The following UBE2W variants were observed in gnomAD, a reference collection of about 807,000 sequenced individuals.
UBE2W encodes the protein ubiquitin conjugating enzyme E2 W.
In UBE2W, 18 loss-of-function variants were observed where a neutral mutation model predicts 27.2. The observed-to-expected ratio is 0.66, with a 90% CI of 0.46 to 0.98. The LOEUF (loss-of-function observed/expected upper bound fraction) is 0.98. Among genes scored for constraint, UBE2W ranks in the 50% least tolerant of loss-of-function variants. The pLI is 0.00. For missense variants in UBE2W, 90 were observed against 180.2 expected, an observed-to-expected ratio of 0.50 and a Z score of 2.87; for synonymous variants, 53 against 57.2, an observed-to-expected ratio of 0.93 and a Z score of 0.33.
intron 1 of UBE2W, among the ~76,000 whole-genome samples, chr8:73,857,025 C>A (rs780041108): frequency 6.6e-6 from 1 of 152,008 alleles, no homozygotes; most frequent in Non-Finnish European, 1.5e-5. Context: ...TAAAATGAAC[C>A]GCTAACTTTA....
At chr8:73,846,233 C>T (rs979533173) in intron 1 of UBE2W, among the ~76,000 whole-genome samples, 1 of 151,986 alleles carries the variant, frequency 6.6e-6, no homozygotes, top group Non-Finnish European at 1.5e-5. Context: ...CTCACCTCTA[C>T]TAAAAATACA....
rs113551967 is a variant in UBE2W at position 73,796,085 on chromosome 8, G to A, written c.443-1970C>T. Among the ~76,000 whole-genome samples the A allele has an allele frequency of 6.8e-3, 483 of 71,408 alleles. 3 individuals are homozygous for A. Among genetic ancestry groups the A allele is most frequent in the African/African-American group, 0.033 (454 of 13,662 alleles). The allele number at this position is 71,408 out of a possible 152,430, so 46.8% of individuals were successfully genotyped here. On this transcript the variant is annotated intron_variant, in intron 5 of 5. Coordinates refer to ENST00000602593, the MANE Select transcript of UBE2W (RefSeq NM_018299.6). ...CCAAAAAAAAAAAAAAAAAAAAAAA[G>A]GGGGATGTTCTTTAAATTATTGTGG...
At position 73,786,768 on chromosome 8, in the gene UBE2W, T is replaced by A. The variant is rs1174611952; in HGVS notation, c.*7334A>T. On this transcript the variant is annotated 3_prime_UTR_variant, in exon 6 of 6. Transcript: ENST00000602593. Reference sequence around the variant, plus strand: ...GGAGACTGGAGAGAAGGTAGAAATCTCAGAGACATTTTAAAGTTACACTCA... The same window carrying A: ...GGAGACTGGAGAGAAGGTAGAAATCACAGAGACATTTTAAAGTTACACTCA... The A allele has an allele frequency of 9.1e-6, 9 of 985,382 alleles. No homozygotes were observed. The highest frequency in any genetic ancestry group is 1.1e-5 in the Non-Finnish European group (9 of 829,908). The allele number at this position is 985,382 out of a possible 1,614,324, so 61.0% of individuals were successfully genotyped here.
chr8:73,870,775 C>A (rs1811973112), intron 1 of UBE2W, among the ~76,000 whole-genome samples: 1 of 132,724 alleles, frequency 7.5e-6, no homozygotes, highest in African/African-American at 2.9e-5. Context: ...ATTGGGTAGT[C>A]AGGAAGGGCT....
chr8:73,787,208 C>A lies in UBE2W; in HGVS notation c.*6894G>T, dbSNP rs1563560879. 1 of 985,334 alleles carries A rather than the reference C, an allele frequency of 1.0e-6. No homozygotes were observed. The highest frequency in any genetic ancestry group is 1.2e-6 in the Non-Finnish European group (1 of 829,944). The allele number at this position is 985,334 out of a possible 1,614,324, so 61.0% of individuals were successfully genotyped here. On this transcript the variant is annotated 3_prime_UTR_variant, in exon 6 of 6. Coordinates refer to ENST00000602593, the MANE Select transcript of UBE2W (RefSeq NM_018299.6). ...GGGCTCCCAACAGGACAGATAACCA[C>A]AGTGGCTTTGAGCTTTGTTGTCCAA...
chr8:73,801,674 A>AT (rs1344952960), intron 5 of UBE2W, among the ~76,000 whole-genome samples: 1 of 152,034 alleles, frequency 6.6e-6, no homozygotes, highest in Non-Finnish European at 1.5e-5. Flanking sequence ...ACACTCAAGG[A>AT]TTTTTTTTGT....
chr8:73,783,942 A>G (rs1027299804), downstream of UBE2W, among the ~76,000 whole-genome samples: 4 of 151,978 alleles, frequency 2.6e-5, no homozygotes, highest in African/African-American at 9.7e-5. Flanking sequence ...TTGTATTTTT[A>G]GTAGAGACAA....
chr8:73,865,995 AG>A (rs1333663330), intron 1 of UBE2W, among the ~76,000 whole-genome samples: 2 of 152,126 alleles, frequency 1.3e-5, no homozygotes, highest in Non-Finnish European at 2.9e-5. Context: ...TATTCTCAGC[AG>A]ACCAGGAGCA....
intron 1 of UBE2W, among the ~76,000 whole-genome samples, chr8:73,839,566 A>G (rs1315712672): frequency 1.3e-5 from 2 of 151,258 alleles, no homozygotes; most frequent in Non-Finnish European, 1.5e-5. Flanking sequence ...CTGAGGCAGG[A>G]GAATCTCTTG....
rs1352858299 is a variant in UBE2W, at chr8:73,790,009, G to A, written c.*4093C>T. On this transcript the variant is annotated 3_prime_UTR_variant, in exon 6 of 6. Transcript: ENST00000602593. Reference sequence around the variant, plus strand: ...TATTAGTACTAAAGAACTAATTACAGCTAACAGCTCATTTACCAAGTAGTC... The same window carrying A: ...TATTAGTACTAAAGAACTAATTACAACTAACAGCTCATTTACCAAGTAGTC... 5 of 985,074 alleles carry A rather than the reference G, an allele frequency of 5.1e-6. No homozygotes were observed. Among genetic ancestry groups the A allele is most frequent in the Non-Finnish European group, 6.0e-6 (5 of 829,836 alleles). 61.0% of individuals were successfully genotyped at this position (985,074 alleles called of 1,614,324 possible). A position where few individuals can be genotyped will look rare whatever the true frequency, so the allele number is the denominator to read the frequency against.
chr8:73,782,043 C>A (rs1164919008), downstream of UBE2W, among the ~76,000 whole-genome samples: 2 of 148,072 alleles, frequency 1.4e-5, 1 homozygote, highest in South Asian at 4.2e-4. Context: ...CGGGTTCAAG[C>A]GATTCTTCTG....
intron 3 of UBE2W, among the ~76,000 whole-genome samples, chr8:73,811,977 T>C (rs911311679): frequency 3.3e-5 from 5 of 152,108 alleles, no homozygotes; most frequent in African/African-American, 1.2e-4. Flanking sequence ...TATCTAGCTA[T>C]GAATCTGATT....
Position 73,805,472 on chromosome 8 carries a change from C to CAAAAAAAAAAAAAAAAAAAAAAA in UBE2W, c.442+178_442+179insTTTTTTTTTTTTTTTTTTTTTTT. 4.1e-4 allele frequency among the ~76,000 whole-genome samples: 18 copies of CAAAAAAAAAAAAAAAAAAAAAAA among 43,682 alleles called. 2 individuals carry two copies. The highest frequency in any genetic ancestry group is 2.2e-3 in the East Asian group (2 of 910). The allele number at this position is 43,682 out of a possible 152,430, so 28.7% of individuals were successfully genotyped here. On this transcript the variant is annotated intron_variant, in intron 5 of 5. Transcript: ENST00000602593. ...TCCATCTCAAAAAAAAAAAAAAAAACAAAAAAAACTAGGGTAATTCATCCA... is the reference window on the plus strand; with the variant it reads ...TCCATCTCAAAAAAAAAAAAAAAAACAAAAAAAAAAAAAAAAAAAAAAAAAAAAAAACTAGGGTAATTCATCCA...
chr8:73,818,090 T>C (rs1030914720), intron 3 of UBE2W, among the ~76,000 whole-genome samples: 2 of 152,224 alleles, frequency 1.3e-5, no homozygotes, highest in African/African-American at 4.8e-5. Context: ...AAATAGGTTT[T>C]TCTTTGCCCC....
chr8:73,825,723 C>A (rs1809809448), intron 2 of UBE2W, among the ~76,000 whole-genome samples: 1 of 152,132 alleles, frequency 6.6e-6, no homozygotes, highest in Non-Finnish European at 1.5e-5. Context: ...ATCGCTTGAA[C>A]CCGGGAGGCA....
At chr8:73,845,275 G>C (rs1053649343) in intron 1 of UBE2W, among the ~76,000 whole-genome samples, 1 of 152,232 alleles carries the variant, frequency 6.6e-6, no homozygotes, top group Non-Finnish European at 1.5e-5. Flanking sequence ...CAGAAAAGGA[G>C]GAAATGTGGA....
chr8:73,834,493 A>C (rs1563603720), intron 1 of UBE2W, among the ~76,000 whole-genome samples: 1 of 152,344 alleles, frequency 6.6e-6, no homozygotes, highest in East Asian at 1.9e-4. Context: ...GTTTCCAAAA[A>C]TAGCTGAGCA....
At chr8:73,870,465 C>T (rs1159469947) in intron 1 of UBE2W, among the ~76,000 whole-genome samples, 1 of 151,452 alleles carries the variant, frequency 6.6e-6, no homozygotes, top group African/African-American at 2.4e-5. Context: ...AGATAATTCA[C>T]CAATTCCAAA....
intron 1 of UBE2W, among the ~76,000 whole-genome samples, chr8:73,842,542 A>AT (rs1810584439): frequency 6.7e-6 from 1 of 148,582 alleles, no homozygotes; most frequent in Non-Finnish European, 1.5e-5. Flanking sequence ...AAAAAAAAAA[A>AT]AAAAAAAAAA....
Sources: allele counts gnomAD v4.1 joint callset (sites outside exome capture counted in the v4.1 genomes callset), GRCh38; gene constraint gnomAD v4.1.1; transcripts MANE v1.5; gene names NCBI Gene and HGNC (gene_info 2026-07-23, HGNC 2026-07-21).